The following ROBO1 variants were observed in gnomAD, a reference collection of about 807,000 sequenced individuals.
ROBO1 encodes the protein roundabout guidance receptor 1.
Under a neutral mutation model 195.9 loss-of-function variants are expected in ROBO1, and 149 were observed. That is an observed-to-expected ratio of 0.76 (90% CI 0.67 to 0.87). ROBO1 has a LOEUF of 0.87. ROBO1 is among the 40% of genes least tolerant of loss of function. ROBO1 has a pLI of 0.00. For synonymous variants in ROBO1, 816 were observed against 733.2 expected, an observed-to-expected ratio of 1.11 and a Z score of -1.82; for missense variants, 1,933 against 2,068.3, an observed-to-expected ratio of 0.93 and a Z score of 1.27.
intron 11 of ROBO1, among the ~76,000 whole-genome samples, chr3:78,669,200 C>G (rs1707913430): frequency 6.6e-6 from 1 of 152,188 alleles, no homozygotes; most frequent in Non-Finnish European, 1.5e-5. Flanking sequence ...TTGAAATCAG[C>G]AGCAGGATAA....
chr3:79,660,579 A>G (rs1946300121), intron 1 of ROBO1, among the ~76,000 whole-genome samples: 1 of 152,154 alleles, frequency 6.6e-6, no homozygotes, highest in Admixed American at 6.6e-5. Flanking sequence ...TATCAGCTAT[A>G]ATAGTCACCT....
chr3:79,600,693 C>T (rs967802231), intron 1 of ROBO1, among the ~76,000 whole-genome samples: 1 of 151,510 alleles, frequency 6.6e-6, no homozygotes, highest in Non-Finnish European at 1.5e-5. Flanking sequence ...TTAAAACCAG[C>T]TATGATGTAC....
intron 3 of ROBO1, among the ~76,000 whole-genome samples, chr3:79,049,546 AG>A (rs984548456): frequency 1.8e-4 from 27 of 152,108 alleles, no homozygotes; most frequent in African/African-American, 6.3e-4. Flanking sequence ...AAATACAAAG[AG>A]CACCACAAAG....
intron 2 of ROBO1, among the ~76,000 whole-genome samples, chr3:79,291,179 T>A (rs1018694749): frequency 1.3e-5 from 2 of 152,128 alleles, no homozygotes. Context: ...CCACTTAGAC[T>A]CAAAATTTGA....
At chr3:79,031,279 T>C (rs2078291869) in intron 3 of ROBO1, among the ~76,000 whole-genome samples, 2 of 152,200 alleles carry the variant, frequency 1.3e-5, no homozygotes, top group Admixed American at 1.3e-4. Context: ...TCTATTGATA[T>C]GTTTCAGTGT....
chr3:78,629,270 T>C (rs1705020262), intron 25 of ROBO1, among the ~76,000 whole-genome samples: 1 of 151,944 alleles, frequency 6.6e-6, no homozygotes, highest in South Asian at 2.1e-4. Flanking sequence ...GTCTTTCTCC[T>C]TGGGGCACAG....
At chr3:78,676,574 A>G (rs1453255412) in intron 10 of ROBO1, among the ~76,000 whole-genome samples, 1 of 152,208 alleles carries the variant, frequency 6.6e-6, no homozygotes, top group Non-Finnish European at 1.5e-5. Context: ...AAAGGGTATC[A>G]GTGATGGAAG....
At chr3:79,762,878 A>C (rs1704787580) in intron 1 of ROBO1, among the ~76,000 whole-genome samples, 1 of 152,152 alleles carries the variant, frequency 6.6e-6, no homozygotes, top group African/African-American at 2.4e-5. Context: ...GCCCATGAGG[A>C]GAAGAGGTGA....
chr3:79,010,606 T>G (rs1228464964), intron 3 of ROBO1, among the ~76,000 whole-genome samples: 1 of 152,142 alleles, frequency 6.6e-6, no homozygotes, highest in Non-Finnish European at 1.5e-5. Flanking sequence ...TTGGGTTTTT[T>G]CATCATGTAA....
chr3:79,383,177 TA>T (rs1383394768), intron 2 of ROBO1, among the ~76,000 whole-genome samples: 4 of 152,130 alleles, frequency 2.6e-5, no homozygotes, highest in Non-Finnish European at 5.9e-5. Context: ...AAAGTTAAAG[TA>T]TGCAAGATCA....
In ROBO1 at chr3:79,487,874, T is replaced by C. The variant is rs192756974; in HGVS notation, c.88+101950A>G. On this transcript the variant is annotated intron_variant, in intron 2 of 30. Coordinates refer to ENST00000464233, the MANE Select transcript of ROBO1 (RefSeq NM_002941.4). ...GAAATGATTATTTATATTTTTTCCC[T>C]AGATAGAAATAGAAAATGGGAACAA... Among the ~76,000 whole-genome samples the C allele has an allele frequency of 2.0e-3, 312 of 152,260 alleles. 2 individuals carry two copies. Among genetic ancestry groups the C allele is most frequent in the African/African-American group, 6.2e-3 (258 of 41,558 alleles).
intron 2 of ROBO1, among the ~76,000 whole-genome samples, chr3:79,133,736 T>C (rs2080338113): frequency 1.7e-5 from 2 of 120,846 alleles, no homozygotes; most frequent in African/African-American, 3.3e-5. Context: ...AGGAACTGCG[T>C]TCCTTTGGAG....
intron 1 of ROBO1, among the ~76,000 whole-genome samples, chr3:79,675,143 AACG>A (rs1946747029): frequency 1.3e-5 from 2 of 152,050 alleles, no homozygotes; most frequent in African/African-American, 4.8e-5. Context: ...AACAACATTA[AACG>A]TGCATTTGGT....
chr3:79,228,529 T>C (rs1488070467), intron 2 of ROBO1, among the ~76,000 whole-genome samples: 1 of 152,176 alleles, frequency 6.6e-6, no homozygotes, highest in Non-Finnish European at 1.5e-5. Flanking sequence ...GAAATTGGTA[T>C]AATTTCCATT....
At chr3:78,711,400 TTTC>T (rs1393657388) in intron 8 of ROBO1, among the ~76,000 whole-genome samples, 2 of 58,170 alleles carry the variant, frequency 3.4e-5, no homozygotes, top group African/African-American at 7.9e-5. Context: ...CCTTCCTTCC[TTTC>T]TTTCTTTCTT....
At chr3:78,804,839 G>A (rs1188989916) in intron 4 of ROBO1, among the ~76,000 whole-genome samples, 1 of 151,716 alleles carries the variant, frequency 6.6e-6, no homozygotes, top group Non-Finnish European at 1.5e-5. Flanking sequence ...CAGCACAACT[G>A]CTGTACATCT....
chr3:78,905,996 A>C (rs2037884725), intron 4 of ROBO1, among the ~76,000 whole-genome samples: 1 of 152,200 alleles, frequency 6.6e-6, no homozygotes, highest in South Asian at 2.1e-4. Flanking sequence ...ATGGTAGAGC[A>C]TACAAAACAA....
intron 4 of ROBO1, among the ~76,000 whole-genome samples, chr3:78,937,427 T>A (rs1195715054): frequency 6.6e-6 from 1 of 151,954 alleles, no homozygotes; most frequent in African/African-American, 2.4e-5. Flanking sequence ...ACATGGTTAT[T>A]TATATAGTTT....
intron 4 of ROBO1, among the ~76,000 whole-genome samples, chr3:78,936,799 T>G (rs536121490): frequency 6.6e-6 from 1 of 152,188 alleles, no homozygotes; most frequent in African/African-American, 2.4e-5. Context: ...TACATTCTTT[T>G]ATAAATAGGT....
Sources: allele counts gnomAD v4.1 joint callset (sites outside exome capture counted in the v4.1 genomes callset), GRCh38; gene constraint gnomAD v4.1.1; transcripts MANE v1.5; gene names NCBI Gene and HGNC (gene_info 2026-07-23, HGNC 2026-07-21).